OLA1: variants seen among roughly 807,000 people sequenced by gnomAD.
OLA1 encodes Obg like ATPase 1.
A neutral mutation model predicts 48.4 loss-of-function variants in OLA1; 14 were observed. The ratio of observed to expected loss-of-function variants is 0.29; its 90% CI spans 0.19 to 0.45. OLA1 has a LOEUF of 0.45. Among genes scored for constraint, OLA1 ranks in the 20% least tolerant of loss-of-function variants. The pLI, the probability that OLA1 is intolerant of heterozygous loss-of-function variation, is 1.00. For synonymous variants in OLA1, 127 were observed against 150.4 expected (o/e 0.84, Z 1.14); for missense variants, 325 against 467.1 (o/e 0.70, Z 2.80).
chr2:174,081,302 T>A, intron 8 of OLA1, 54 bp from the exon 9 acceptor site: 2 of 1,319,350 alleles, frequency 1.5e-6, no homozygotes, highest in East Asian at 4.6e-5. Flanking sequence ...GTGCCAGAAA[T>A]TGGTATAGAG....
At chr2:174,133,089 T>C (rs1686220554) in intron 5 of OLA1, among the ~76,000 whole-genome samples, 1 of 152,232 alleles carries the variant, frequency 6.6e-6, no homozygotes, top group African/African-American at 2.4e-5. Context: ...ATGCCACTTT[T>C]AACTCCTTTA....
At chr2:174,171,170 TACA>T (rs1687292081) in intron 4 of OLA1, among the ~76,000 whole-genome samples, 1 of 152,176 alleles carries the variant, frequency 6.6e-6, no homozygotes, top group Non-Finnish European at 1.5e-5. Flanking sequence ...TGAACAATTC[TACA>T]ATCAGAACTG....
At chr2:174,132,504 GAGTT>G (rs1487184312) in intron 5 of OLA1, among the ~76,000 whole-genome samples, 8 of 151,964 alleles carry the variant, frequency 5.3e-5, no homozygotes, top group Admixed American at 6.6e-5. Context: ...TATAGAACTT[GAGTT>G]TATACATTAG....
intron 4 of OLA1, among the ~76,000 whole-genome samples, chr2:174,171,405 TCA>T (rs1374700363): frequency 6.6e-6 from 1 of 152,056 alleles, no homozygotes; most frequent in African/African-American, 2.4e-5. Context: ...AGGACTGAAA[TCA>T]CACAGAGGAT....
chr2:174,140,793 TA>T (rs1244434804), intron 5 of OLA1, among the ~76,000 whole-genome samples: 1 of 152,206 alleles, frequency 6.6e-6, no homozygotes, highest in Non-Finnish European at 1.5e-5. Flanking sequence ...GAGTAGCCCA[TA>T]GCCAGTAACT....
intron 5 of OLA1, among the ~76,000 whole-genome samples, chr2:174,126,793 A>C (rs1011520479): frequency 6.6e-6 from 1 of 152,208 alleles, no homozygotes; most frequent in African/African-American, 2.4e-5. Flanking sequence ...ATTAAATCCC[A>C]GTGATCTACA....
At chr2:174,100,412 C>CT (rs1247252864) in intron 7 of OLA1, among the ~76,000 whole-genome samples, 5 of 151,156 alleles carry the variant, frequency 3.3e-5, no homozygotes, top group East Asian at 3.9e-4. Flanking sequence ...ACATTAATAA[C>CT]TTTTTTTTTG....
At chr2:174,231,575 G>A (rs1688730203) in intron 2 of OLA1, among the ~76,000 whole-genome samples, 1 of 152,034 alleles carries the variant, frequency 6.6e-6, no homozygotes, top group African/African-American at 2.4e-5. Flanking sequence ...TTTTTAAAAT[G>A]TATCCCTTAA....
chr2:174,126,053 A>C, intron 5 of OLA1, among the ~76,000 whole-genome samples: 1 of 152,172 alleles, frequency 6.6e-6, no homozygotes, highest in East Asian at 1.9e-4. Flanking sequence ...ATTGCTTTTC[A>C]GATAAGACTA....
chr2:174,099,129 C>T (rs912422916), intron 7 of OLA1, among the ~76,000 whole-genome samples: 15 of 151,868 alleles, frequency 9.9e-5, no homozygotes, highest in East Asian at 1.9e-4. Flanking sequence ...CAGTAGAAAG[C>T]GTATTTGAGT....
At chr2:174,172,567 G>T (rs1558989073) in intron 4 of OLA1, 1 of 164,894 alleles carries the variant, frequency 6.1e-6, no homozygotes, top group Non-Finnish European at 1.4e-5. Context: ...GGCGGAGTAG[G>T]TATCGGGGAT....
chr2:174,181,450 G>T (rs969608729), intron 4 of OLA1, among the ~76,000 whole-genome samples: 1 of 152,142 alleles, frequency 6.6e-6, no homozygotes, highest in Non-Finnish European at 1.5e-5. Context: ...CTGCATGTTT[G>T]CAAGCTCAGG....
intron 4 of OLA1, chr2:174,172,085 C>G (rs1402214314): frequency 4.7e-6 from 1 of 212,674 alleles, no homozygotes; most frequent in Non-Finnish European, 1.0e-5. Context: ...AGGAATGACA[C>G]CAAGTGAGAT....
chr2:174,169,275 G>C (rs184867829), intron 4 of OLA1, among the ~76,000 whole-genome samples: 155 of 152,136 alleles, frequency 1.0e-3, no homozygotes, highest in Admixed American at 2.4e-3. Context: ...GTCCTAAAAG[G>C]AGAGGGGAAA....
At chr2:174,168,024 A>G (rs1208531938) in intron 4 of OLA1, among the ~76,000 whole-genome samples, 2 of 152,212 alleles carry the variant, frequency 1.3e-5, no homozygotes. Flanking sequence ...GAAATCAGAA[A>G]GACTGCTTAG....
intron 7 of OLA1, among the ~76,000 whole-genome samples, chr2:174,112,639 T>G (rs893939937): frequency 4.6e-5 from 7 of 151,820 alleles, no homozygotes; most frequent in African/African-American, 1.7e-4. Flanking sequence ...ATCATGGGAG[T>G]AGGTTAGTTA....
chr2:174,178,879 T>C (rs1687473053), intron 4 of OLA1, among the ~76,000 whole-genome samples: 1 of 151,898 alleles, frequency 6.6e-6, no homozygotes, highest in South Asian at 2.1e-4. Context: ...AATTAAAACT[T>C]TGCTCCTAAA....
chr2:174,173,557 AT>A (rs1193780404), intron 4 of OLA1, among the ~76,000 whole-genome samples: 5 of 152,132 alleles, frequency 3.3e-5, no homozygotes, highest in East Asian at 1.9e-4. Context: ...TTACAACTTG[AT>A]TTTTTTTATA....
chr2:174,207,046 G>A (rs543121432), intron 4 of OLA1, among the ~76,000 whole-genome samples: 3 of 152,206 alleles, frequency 2.0e-5, no homozygotes, highest in African/African-American at 7.2e-5. Context: ...GGAGGAAGGT[G>A]GGCTCTTGAA....
Sources: allele counts gnomAD v4.1 joint callset (sites outside exome capture counted in the v4.1 genomes callset), GRCh38; gene constraint gnomAD v4.1.1; transcripts MANE v1.5; gene names NCBI Gene and HGNC (gene_info 2026-07-23, HGNC 2026-07-21).